Variants in KRABD3 observed in about 807,000 individuals in gnomAD.
KRABD3 encodes the protein KRAB domain containing 3.
the KRABD3 span, chr7:149,725,739 C>T: frequency 2.0e-3 from 1,563 of 792,348 alleles, 14 homozygotes; most frequent in South Asian, 0.013. Flanking sequence ...CTGTGGGTCA[C>T]GTGCTATGGG....
chr7:149,723,989 C>G, the KRABD3 span: 2 of 1,295,216 alleles, frequency 1.5e-6, no homozygotes, highest in Non-Finnish European at 2.1e-6. Context: ...ACTCAGGCCC[C>G]CATATTGGCC....
At chr7:149,733,189 C>T in the KRABD3 span, 27 of 1,580,646 alleles carry the variant, frequency 1.7e-5, no homozygotes, top group Non-Finnish European at 2.3e-5. Flanking sequence ...TCTGACCGGT[C>T]CTTGCTCTGG....
At chr7:149,725,853 C>T in the KRABD3 span, 9 of 1,497,782 alleles carry the variant, frequency 6.0e-6, no homozygotes, top group East Asian at 1.5e-4. Context: ...TCCAGTGAGC[C>T]TCCTGGTGAC....
the KRABD3 span, chr7:149,729,255 C>A: frequency 6.2e-7 from 1 of 1,603,998 alleles, no homozygotes; most frequent in Non-Finnish European, 8.5e-7. Context: ...CCACCCGGAG[C>A]CTCCATCTGG....
the KRABD3 span, among the ~76,000 whole-genome samples, chr7:149,725,055 G>A: frequency 6.6e-6 from 1 of 152,204 alleles, no homozygotes; most frequent in East Asian, 1.9e-4. Flanking sequence ...GTTTTGCAGT[G>A]ATTCCTGGCC....
the KRABD3 span, chr7:149,723,668 TTTG>T: frequency 2.0e-6 from 3 of 1,516,122 alleles, no homozygotes; most frequent in Non-Finnish European, 2.7e-6. Context: ...TTGTCCCCTG[TTTG>T]TTGTTTGTCA....
At chr7:149,723,742 G>A in the KRABD3 span, 13 of 1,612,380 alleles carry the variant, frequency 8.1e-6, no homozygotes, top group South Asian at 2.2e-5. Context: ...AGTGAAGACC[G>A]AGGCGGTTTC....
At chr7:149,724,561 G>A in the KRABD3 span, 1 of 927,926 alleles carries the variant, frequency 1.1e-6, no homozygotes, top group East Asian at 3.1e-5. Flanking sequence ...AGGGGCTTTG[G>A]AAGCCCCTCC....
chr7:149,719,977 C>T, the KRABD3 span: 12 of 1,533,036 alleles, frequency 7.8e-6, no homozygotes, highest in Non-Finnish European at 7.0e-6. The surrounding 1 kb of genome is among the most constrained non-coding windows in gnomAD (Gnocchi z 5.6). Context: ...CCACTCCATT[C>T]CCAGGGCCAC....
the KRABD3 span, chr7:149,725,922 C>G: frequency 6.3e-7 from 1 of 1,597,914 alleles, no homozygotes; most frequent in Non-Finnish European, 8.5e-7. Context: ...TCTGGGTCTG[C>G]AGAGCTGTGT....
the KRABD3 span, chr7:149,725,475 A>T: frequency 1.2e-6 from 2 of 1,608,502 alleles, no homozygotes; most frequent in Non-Finnish European, 1.7e-6. Flanking sequence ...AACCCCACAG[A>T]TCACACAGTG....
At chr7:149,730,627 G>T in the KRABD3 span, 1 of 1,572,014 alleles carries the variant, frequency 6.4e-7, no homozygotes, top group South Asian at 1.1e-5. Flanking sequence ...CAGGAGTCCA[G>T]ACTGGATCCT....
chr7:149,725,515 G>A, the KRABD3 span: 1 of 1,579,588 alleles, frequency 6.3e-7, no homozygotes, highest in Non-Finnish European at 8.6e-7. Context: ...GGCGCGGGGT[G>A]GCATGTCCCT....
the KRABD3 span, among the ~76,000 whole-genome samples, chr7:149,718,981 T>C: frequency 6.6e-6 from 1 of 152,120 alleles, no homozygotes; most frequent in Non-Finnish European, 1.5e-5. Context: ...TCTGAGCACT[T>C]CTCTAAACCC....
At chr7:149,722,253 C>A in the KRABD3 span, 1 of 379,494 alleles carries the variant, frequency 2.6e-6, no homozygotes, top group Non-Finnish European at 3.6e-6. Context: ...AACCAACAGT[C>A]TTGCTGTTTC....
At chr7:149,719,955 GCGAAGCGGAGACCACTCCATTCCCA>G in the KRABD3 span, 2 of 1,511,514 alleles carry the variant, frequency 1.3e-6, no homozygotes, top group Non-Finnish European at 1.8e-6. This position sits in a 1 kb window ranked among gnomAD's most constrained non-coding sequence, Gnocchi z 5.6. Context: ...GCAACTGTGT[GCGAAGCGGAGACCACTCCATTCCCA>G]GGGCCACAGT....
At chr7:149,727,359 C>A in the KRABD3 span, among the ~76,000 whole-genome samples, 1 of 152,240 alleles carries the variant, frequency 6.6e-6, no homozygotes, top group Non-Finnish European at 1.5e-5. Flanking sequence ...ATGGGTTAGC[C>A]GCTTGGGTGT....
the KRABD3 span, chr7:149,724,937 C>T: frequency 8.6e-7 from 1 of 1,164,804 alleles, no homozygotes; most frequent in South Asian, 1.7e-5. Context: ...GGAAGCAGCT[C>T]TCAGCAGGGA....
the KRABD3 span, chr7:149,722,672 T>G: frequency 8.7e-6 from 13 of 1,489,652 alleles, no homozygotes; most frequent in Admixed American, 3.9e-5. Context: ...AGGCCTTGTC[T>G]GCATTCTCAC....
Sources: allele counts gnomAD v4.1 joint callset (sites outside exome capture counted in the v4.1 genomes callset), GRCh38; gene constraint gnomAD v4.1.1; non-coding constraint Gnocchi (gnomAD v3.1); transcripts MANE v1.5; gene names NCBI Gene and HGNC (gene_info 2026-07-23, HGNC 2026-07-21).